Variants in ERBB4 observed in about 807,000 individuals in gnomAD.
ERBB4 encodes the protein erb-b2 receptor tyrosine kinase 4.
A neutral mutation model predicts 158.0 loss-of-function variants in ERBB4; 42 were observed. The ratio of observed to expected loss-of-function variants is 0.27; its 90% CI spans 0.21 to 0.34. ERBB4 has a LOEUF of 0.34. Among genes scored for constraint, ERBB4 ranks in the 10% least tolerant of loss-of-function variants. The pLI, the probability that ERBB4 is intolerant of heterozygous loss-of-function variation, is 1.00. For missense variants in ERBB4, 1,333 were observed against 1,624.1 expected (o/e 0.82, Z 3.08); for synonymous variants, 583 against 558.7 (o/e 1.04, Z -0.61).
At chr2:211,765,320 T>C (rs977599101) in intron 4 of ERBB4, among the ~76,000 whole-genome samples, 2 of 152,138 alleles carry the variant, frequency 1.3e-5, no homozygotes, top group African/African-American at 4.8e-5. Context: ...TCCTGAAATA[T>C]GGTCAGATAA....
chr2:211,855,230 T>A (rs892192137), intron 3 of ERBB4, among the ~76,000 whole-genome samples: 1 of 152,192 alleles, frequency 6.6e-6, no homozygotes, highest in African/African-American at 2.4e-5. Flanking sequence ...AATTCCTTTT[T>A]ATATTTTGGA....
At chr2:212,491,316 T>G (rs896351003) in intron 1 of ERBB4, among the ~76,000 whole-genome samples, 3 of 151,712 alleles carry the variant, frequency 2.0e-5, no homozygotes, top group Non-Finnish European at 4.4e-5. Context: ...AGACTCACTT[T>G]ATTTCATTAA....
intron 1 of ERBB4, among the ~76,000 whole-genome samples, chr2:212,233,563 A>C (rs1427805473): frequency 2.6e-5 from 4 of 151,356 alleles, no homozygotes; most frequent in Non-Finnish European, 4.4e-5. Flanking sequence ...AACACCTTAA[A>C]CATGCCGATT....
chr2:212,505,416 G>GTCCTCACAATGTGTCAAACAGCCA (rs1203993080), intron 1 of ERBB4, among the ~76,000 whole-genome samples: 1 of 149,710 alleles, frequency 6.7e-6, no homozygotes, highest in Admixed American at 6.6e-5. Flanking sequence ...CTCTTGAAGA[G>GTCCTCACAATGTGTCAAACAGCCA]AGTGAGTATT....
intron 2 of ERBB4, among the ~76,000 whole-genome samples, chr2:212,035,334 T>C (rs2076989214): frequency 6.6e-6 from 1 of 152,188 alleles, no homozygotes; most frequent in Admixed American, 6.5e-5. Context: ...AGCTTATAGA[T>C]GATTGAATAC....
At chr2:211,688,207 A>G (rs764821527) in intron 12 of ERBB4, among the ~76,000 whole-genome samples, 3 of 152,232 alleles carry the variant, frequency 2.0e-5, no homozygotes, top group African/African-American at 4.8e-5. Context: ...GCCTATGTAC[A>G]GATCCACATT....
chr2:211,987,341 A>AAAAAAAAAAAAAAAAAAAAAAAAAAAAG (rs1215048952), intron 2 of ERBB4, among the ~76,000 whole-genome samples: 3 of 124,416 alleles, frequency 2.4e-5, no homozygotes, highest in Non-Finnish European at 3.3e-5. Context: ...AAAAAAAAAA[A>AAAAAAAAAAAAAAAAAAAAAAAAAAAAG]AAAGAAAGAA....
At chr2:211,978,396 G>GTCTTTCTA (rs77259627) in intron 2 of ERBB4, among the ~76,000 whole-genome samples, 1,509 of 136,636 alleles carry the variant, frequency 0.011, 7 homozygotes, top group Middle Eastern at 0.022. Context: ...CTGTCTGTCT[G>GTCTTTCTA]TCTATCTATC....
At chr2:211,767,048 C>A (rs1026443779) in intron 4 of ERBB4, among the ~76,000 whole-genome samples, 3 of 152,184 alleles carry the variant, frequency 2.0e-5, no homozygotes, top group African/African-American at 7.2e-5. Flanking sequence ...GGAAACCTCT[C>A]CAGGGTATTT....
At chr2:212,170,061 T>C (rs185955288) in intron 1 of ERBB4, among the ~76,000 whole-genome samples, 2 of 152,236 alleles carry the variant, frequency 1.3e-5, no homozygotes, top group South Asian at 2.1e-4. Flanking sequence ...TGGAACTGGG[T>C]AATGGGCAGA....
At chr2:211,811,584 C>T (rs1475717449) in intron 3 of ERBB4, among the ~76,000 whole-genome samples, 1 of 152,006 alleles carries the variant, frequency 6.6e-6, no homozygotes, top group Non-Finnish European at 1.5e-5. Flanking sequence ...GGGGAAGTTC[C>T]CCTGGATAAC....
chr2:212,431,194 G>C (rs1434022821), intron 1 of ERBB4, among the ~76,000 whole-genome samples: 1 of 149,228 alleles, frequency 6.7e-6, no homozygotes, highest in Non-Finnish European at 1.5e-5. Context: ...ATAAGCATAT[G>C]TCACATGAAC....
chr2:211,790,451 T>A (rs1017950264), intron 3 of ERBB4, among the ~76,000 whole-genome samples: 1 of 152,098 alleles, frequency 6.6e-6, no homozygotes, highest in Admixed American at 6.6e-5. Context: ...TCTAAAATTT[T>A]TCAAATAGAA....
At chr2:212,480,943 C>T (rs73063172) in intron 1 of ERBB4, among the ~76,000 whole-genome samples, 1 of 152,012 alleles carries the variant, frequency 6.6e-6, no homozygotes, top group East Asian at 1.9e-4. Context: ...CATAATTGCC[C>T]TCTCAATTTT....
chr2:211,756,147 C>T (rs6743889), intron 4 of ERBB4, among the ~76,000 whole-genome samples: 107,084 of 152,074 alleles, frequency 0.7, 38,603 homozygotes, highest in African/African-American at 0.86. Context: ...AATGTCACTA[C>T]CCTGTCCTCA....
intron 1 of ERBB4, among the ~76,000 whole-genome samples, chr2:212,205,089 A>C (rs1031276516): frequency 2.0e-5 from 3 of 152,072 alleles, no homozygotes; most frequent in Non-Finnish European, 4.4e-5. Flanking sequence ...AAGTGCTAGA[A>C]TTACAGGCAT....
At chr2:212,443,510 C>T (rs1007346057) in intron 1 of ERBB4, among the ~76,000 whole-genome samples, 1 of 152,166 alleles carries the variant, frequency 6.6e-6, no homozygotes, top group African/African-American at 2.4e-5. Flanking sequence ...GAAAGAGGCA[C>T]AACACCTGGT....
chr2:211,401,255 A>G (rs1257307876), intron 25 of ERBB4, among the ~76,000 whole-genome samples: 1 of 152,112 alleles, frequency 6.6e-6, no homozygotes, highest in Non-Finnish European at 1.5e-5. Context: ...CTAACAGTAG[A>G]GATTATGATA....
chr2:212,429,438 G>T (rs560384372), intron 1 of ERBB4, among the ~76,000 whole-genome samples: 1 of 152,206 alleles, frequency 6.6e-6, no homozygotes, highest in South Asian at 2.1e-4. Context: ...TGTCTTCAAC[G>T]GATTATACAA....
Sources: gnomAD v4.1 joint callset for allele counts (sites outside exome capture counted in the v4.1 genomes callset) on GRCh38, gnomAD v4.1.1 for gene constraint, MANE v1.5 for transcripts, NCBI Gene and HGNC (gene_info 2026-07-23, HGNC 2026-07-21) for gene names.